LCAT: variants seen among roughly 807,000 people sequenced by gnomAD.
The protein encoded by LCAT is phosphatidylcholine-sterol acyltransferase.
Under a neutral mutation model 41.0 loss-of-function variants are expected in LCAT, and 15 were observed. The ratio of observed to expected loss-of-function variants is 0.37; its 90% confidence interval spans 0.24 to 0.56. The LOEUF is 0.56. LCAT is among the 20% of genes least tolerant of loss of function. The pLI, the probability that LCAT is intolerant of heterozygous loss-of-function variation, is 0.81. For synonymous variants in LCAT, 248 were observed against 245.4 expected, an observed-to-expected ratio of 1.01 and a Z score of -0.10; for missense variants, 449 against 595.1, an observed-to-expected ratio of 0.75 and a Z score of 2.55.
In LCAT at chr16:67,939,964, G is replaced by C; in HGVS notation, c.1263C>G (p.Ala421=). The C allele has an allele frequency of 1.9e-6, 3 of 1,613,624 alleles. No homozygotes were observed. Among genetic ancestry groups the C allele is most frequent in the Non-Finnish European group, 2.5e-6 (3 of 1,180,008 alleles). ...LEHINAILLG[A]YRQGPPASPT... ...GGGATGCAGGGGGACCCTGGCGGTAGGCACCCAGCAGGATGGCATTGATGT... is the reference window on the plus strand; with the variant it reads ...GGGATGCAGGGGGACCCTGGCGGTACGCACCCAGCAGGATGGCATTGATGT... The change falls in exon 6 of 6, where the codon GCC becomes GCG. Residue 421 remains alanine, a synonymous_variant. Transcript: ENST00000264005.
rs772149357 is a variant in LCAT, at chr16:67,943,878, G to A, written c.154+70C>T. Reference sequence around the variant, plus strand: ...GGGCAGAAGGGCTTTGGCCAGGTCAGCTGCCAGGGGCTGGGGCCCAGGCTC... The same window carrying A: ...GGGCAGAAGGGCTTTGGCCAGGTCAACTGCCAGGGGCTGGGGCCCAGGCTC... On this transcript the variant is annotated intron_variant, in intron 1 of 5. Coordinates refer to ENST00000264005, the MANE Select transcript of LCAT (RefSeq NM_000229.2). This position sits in a 1 kb window ranked among gnomAD's most constrained non-coding sequence, Gnocchi z 4.6. 2.8e-6 allele frequency: 4 copies of A among 1,416,422 alleles called. No individual in the cohort carries two copies. The African/African-American group carries it at 5.7e-5, about 20-fold the overall frequency. 87.7% of individuals were successfully genotyped at this position (1,416,422 alleles called of 1,614,324 possible).
rs2058301424 is a variant in LCAT, at chr16:67,943,046, A to G, written c.311+10T>C. 1.2e-6 allele frequency: 2 copies of G among 1,613,884 alleles called. No homozygotes were observed. The highest frequency in any genetic ancestry group is 2.2e-5 in the South Asian group (2 of 91,080). On this transcript the variant is annotated intron_variant, in intron 2 of 5. Transcript: ENST00000264005. The surrounding 1 kb of genome is among the most constrained non-coding windows in gnomAD (Gnocchi z 4.6). ...GCGTGTTGGGGCTAGGGTGGAGCAC[A>G]TGGCTGTACCTGGTGTTATCGATCC...
At position 67,942,093 on chromosome 16, in the gene LCAT, T is replaced by A; in HGVS notation, c.748+270A>T. The A allele has an allele frequency of 4.4e-6, 6 of 1,364,398 alleles. No homozygotes were observed. The highest frequency in any genetic ancestry group is 5.7e-6 in the Non-Finnish European group (6 of 1,052,492). 84.5% of individuals were successfully genotyped at this position (1,364,398 alleles called of 1,614,324 possible). A position where few individuals can be genotyped will look rare whatever the true frequency, so the allele number is the denominator to read the frequency against. On this transcript the variant is annotated intron_variant, in intron 5 of 5. Coordinates refer to ENST00000264005, the MANE Select transcript of LCAT (RefSeq NM_000229.2). The surrounding 1 kb of genome is among the most constrained non-coding windows in gnomAD (Gnocchi z 6.6). ...GGGCTGGGCAGGCAGGCTCTGGGGC[T>A]ACAAGAACAAACCCTGGGAGCAGAT...
chr16:67,941,898 C>T, intron 5 of LCAT: 2 of 1,140,096 alleles, frequency 1.8e-6, no homozygotes, highest in Non-Finnish European at 2.2e-6. Context: ...TCCCAGGGTA[C>T]AGGGGGTGGG....
chr16:67,941,935 G>A, intron 5 of LCAT: 1 of 1,174,308 alleles, frequency 8.5e-7, no homozygotes, highest in Non-Finnish European at 1.1e-6. Context: ...TGTCAGTGCT[G>A]GGCCCTGGTG....
chr16:67,942,382 G>A lies in LCAT; in HGVS notation c.729C>T (p.Pro243=), dbSNP rs144075659. The A allele has an allele frequency of 7.4e-6, 12 of 1,613,812 alleles. No individual in the cohort carries two copies. Among genetic ancestry groups the A allele is most frequent in the South Asian group, 1.1e-5 (1 of 91,086 alleles). Residue 243 remains proline (P), a synonymous_variant, in exon 5 of 6, where the codon CCC becomes CCT. Transcript: ENST00000264005. This position sits in a 1 kb window ranked among gnomAD's most constrained non-coding sequence, Gnocchi z 6.6. ...LGAPWGGSIK[P]MLVLASGDNQ... ...TCTCACCTGAGGCCAAGACCAGCAT[G>A]GGCTTGATGGAGCCACCCCAGGGAG...
chr16:67,940,833 T>TAAA, intron 5 of LCAT: 2 of 89,926 alleles, frequency 2.2e-5, no homozygotes, highest in Admixed American at 1.5e-4. Flanking sequence ...ACCCTGTCTC[T>TAAA]ACAAAAAAAA....
intron 5 of LCAT, 129 bp from the exon 6 acceptor site, chr16:67,940,607 C>G (rs534866482): frequency 3.6e-6 from 5 of 1,406,304 alleles, no homozygotes; most frequent in Non-Finnish European, 2.9e-6. Context: ...CTCTAAGCCA[C>G]AGGCTTGAGC....
chr16:67,939,824 T>C lies in LCAT; in HGVS notation c.*80A>G. On this transcript the variant is annotated 3_prime_UTR_variant, in exon 6 of 6. Coordinates refer to ENST00000264005, the MANE Select transcript of LCAT (RefSeq NM_000229.2). ...CACTGAGCCTGTGGCTGGTGAGGAG[T>C]GAAACCTAGTGTGGGACTCTAGTGC... is the stretch of plus-strand genomic sequence containing the variant. The C allele has an allele frequency of 6.4e-7, 1 of 1,559,490 alleles. No individual in the cohort carries two copies. Among genetic ancestry groups the C allele is most frequent in the Non-Finnish European group, 8.7e-7 (1 of 1,150,032 alleles).
In LCAT at chr16:67,942,022, C is replaced by T; in HGVS notation, c.748+341G>A. The T allele has an allele frequency of 8.1e-7, 1 of 1,229,512 alleles. No homozygotes were observed. The highest frequency in any genetic ancestry group is 1.0e-6 in the Non-Finnish European group (1 of 969,518). 76.2% of individuals were successfully genotyped at this position (1,229,512 alleles called of 1,614,324 possible). ...TGGCAGATCCATCCTCAGTGAAGCA[C>T]ATCCCTGGGCAAAGGCACTCCTGCG... On this transcript the variant is annotated intron_variant, in intron 5 of 5. Transcript: ENST00000264005. The surrounding 1 kb of genome is among the most constrained non-coding windows in gnomAD (Gnocchi z 6.6).
At position 67,943,957 on chromosome 16, in the gene LCAT, C is replaced by T. The variant is rs1417533036; in HGVS notation, c.145G>A (p.Val49Ile). Residue 49 changes from valine to isoleucine, a missense_variant, in exon 1 of 6, where the codon GTC becomes ATC. Val to Ile is a conservative substitution (Grantham distance 29, BLOSUM62 3). Coordinates refer to ENST00000264005, the MANE Select transcript of LCAT (RefSeq NM_000229.2). The surrounding 1 kb of genome is among the most constrained non-coding windows in gnomAD (Gnocchi z 4.6). ...CCTGGTGGGGGCTTACCGAGGATGA[C>T]GGGCCGTGTGTGGTTACTGAGCTCA... ...KAELSNHTRP[V>I]ILVPGCLGNQ... The T allele has an allele frequency of 5.8e-6, 9 of 1,546,268 alleles. No individual in the cohort carries two copies. The highest frequency in any genetic ancestry group is 4.1e-5 in the African/African-American group (3 of 72,936).
At position 67,942,531 on chromosome 16, in the gene LCAT, C is replaced by T. The variant is rs746113543; in HGVS notation, c.580G>A (p.Ala194Thr). The change falls in exon 5 of 6, where the codon GCC (alanine) becomes ACC (threonine). Residue 194 changes from alanine to threonine, a missense_variant. Coordinates refer to ENST00000264005, the MANE Select transcript of LCAT (RefSeq NM_000229.2). The surrounding 1 kb of genome is among the most constrained non-coding windows in gnomAD (Gnocchi z 6.6). ...LAGLVEEMHAAYGKPVFLIGH... is the reference protein window; with the variant it reads ...LAGLVEEMHATYGKPVFLIGH... ...ATGAGGAAGACAGGCTTCCCATAGG[C>T]AGCGTGCATCTCCTCCACCAGCCCT... 2 of 1,613,510 alleles carry T rather than the reference C, an allele frequency of 1.2e-6. No individual in the cohort carries two copies. Among genetic ancestry groups the T allele is most frequent in the African/African-American group, 2.7e-5 (2 of 74,926 alleles).
chr16:67,943,107 T>C lies in LCAT; in HGVS notation c.260A>G (p.Asp87Gly), dbSNP rs1343446831. 1 of 1,613,852 alleles carries C rather than the reference T, an allele frequency of 6.2e-7. No individual in the cohort carries two copies. The highest frequency in any genetic ancestry group is 8.5e-7 in the Non-Finnish European group (1 of 1,179,940). The change falls in exon 2 of 6, where the codon GAT becomes GGT. Residue 87 changes from aspartate (D) to glycine (G), a missense_variant. Asp to Gly is a moderately conservative substitution (Grantham distance 94). Transcript: ENST00000264005. The surrounding 1 kb of genome is among the most constrained non-coding windows in gnomAD (Gnocchi z 4.6). Reference sequence around the variant, plus strand: ...CCCAAGGGGTAGGAACATGTTGAGATCCAGCCAGATGGTGAAGAAGTCCTC... The same window carrying C: ...CCCAAGGGGTAGGAACATGTTGAGACCCAGCCAGATGGTGAAGAAGTCCTC... The part of the protein sequence containing the change: ...KTEDFFTIWL[D>G]LNMFLPLGVD...
rs1223340445 is a variant in LCAT at position 67,941,581 on chromosome 16, C to A, written c.748+782G>T. The A allele has an allele frequency of 4.2e-6, 4 of 950,344 alleles. No homozygotes were observed. In the African/African-American group the frequency reaches 7.1e-5, roughly 17 times the overall value. 58.9% of individuals were successfully genotyped at this position (950,344 alleles called of 1,614,324 possible). On this transcript the variant is annotated intron_variant, in intron 5 of 5. Coordinates refer to ENST00000264005, the MANE Select transcript of LCAT (RefSeq NM_000229.2). Reference sequence around the variant, plus strand: ...GACTGCGGCTATGATCACGCCACTGCACTCCAGCCTGGGCGACAGAATGAC... The same window carrying A: ...GACTGCGGCTATGATCACGCCACTGAACTCCAGCCTGGGCGACAGAATGAC...
intron 5 of LCAT, among the ~76,000 whole-genome samples, chr16:67,941,148 A>G (rs1197401200): frequency 2.0e-5 from 3 of 151,636 alleles, no homozygotes; most frequent in African/African-American, 7.3e-5. Context: ...TACTAAAAAT[A>G]TAAAAATTAG....
chr16:67,939,843 C>T lies in LCAT; in HGVS notation c.*61G>A. 1.3e-6 allele frequency: 2 copies of T among 1,575,810 alleles called. No homozygotes were observed. The highest frequency in any genetic ancestry group is 1.7e-6 in the Non-Finnish European group (2 of 1,158,750). ...GAGGAGTGAAACCTAGTGTGGGACT[C>T]TAGTGCCTCCCTTCAACCTGAAACA... On this transcript the variant is annotated 3_prime_UTR_variant, in exon 6 of 6. Transcript: ENST00000264005.
intron 5 of LCAT, chr16:67,940,831 TCTA>T: frequency 6.9e-6 from 1 of 144,776 alleles, no homozygotes; most frequent in Admixed American, 7.8e-5. Context: ...AGACCCTGTC[TCTA>T]CAAAAAAAAA....
At position 67,942,187 on chromosome 16, in the gene LCAT, C is replaced by T; in HGVS notation, c.748+176G>A. 1 of 1,320,342 alleles carries T rather than the reference C, an allele frequency of 7.6e-7. No homozygotes were observed. Among genetic ancestry groups the T allele is most frequent in the South Asian group, 1.3e-5 (1 of 76,846 alleles). 81.8% of individuals were successfully genotyped at this position (1,320,342 alleles called of 1,614,324 possible). ...TGACACAGACTCTGGAAGGAGCCAC[C>T]CTAATTGCTCAGGCCAGGGTCACTG... On this transcript the variant is annotated intron_variant, in intron 5 of 5. Coordinates refer to ENST00000264005, the MANE Select transcript of LCAT (RefSeq NM_000229.2). This position sits in a 1 kb window ranked among gnomAD's most constrained non-coding sequence, Gnocchi z 6.6.
Position 67,944,048 on chromosome 16 carries a change from C to T in LCAT, c.54G>A (p.Leu18=). 1 of 1,547,686 alleles carries T rather than the reference C, an allele frequency of 6.5e-7. No homozygotes were observed. The highest frequency in any genetic ancestry group is 8.7e-7 in the Non-Finnish European group (1 of 1,146,062). Residue 18 remains leucine (L), a synonymous_variant, in exon 1 of 6, where the codon CTG becomes CTA. Coordinates refer to ENST00000264005, the MANE Select transcript of LCAT (RefSeq NM_000229.2). The surrounding 1 kb of genome is among the most constrained non-coding windows in gnomAD (Gnocchi z 6.6). ...GCCAGAAGGGGGCGGCAGGAGGGAG[C>T]AGCAGCCCCAGCAGCAGCGTCACCC... ...WQWVTLLLGL[L]LPPAAPFWLL... is the part of the protein sequence containing the mutation.
Sources: allele counts gnomAD v4.1 joint callset (sites outside exome capture counted in the v4.1 genomes callset), GRCh38; gene constraint gnomAD v4.1.1; non-coding constraint Gnocchi (gnomAD v3.1); transcripts MANE v1.5; gene names NCBI Gene and HGNC (gene_info 2026-07-23, HGNC 2026-07-21).